The following MAJIN variants were observed in gnomAD, a reference collection of about 807,000 sequenced individuals.
The protein encoded by MAJIN is membrane anchored junction protein, also known as membrane-anchored junction protein.
In MAJIN, 27 loss-of-function variants were observed where a neutral mutation model predicts 30.2. The observed-to-expected ratio is 0.89, with a 90% CI of 0.66 to 1.23. The LOEUF is 1.23. Among genes scored for constraint, MAJIN ranks in the 50% most tolerant of loss-of-function variants. The pLI is 0.00. For missense variants in MAJIN, 253 were observed against 260.3 expected (o/e 0.97, Z 0.19); for synonymous variants, 78 against 91.6 (o/e 0.85, Z 0.85).
intron 4 of MAJIN, among the ~76,000 whole-genome samples, chr11:64,952,789 C>T (rs1402391675): frequency 2.0e-5 from 3 of 152,108 alleles, no homozygotes; most frequent in African/African-American, 7.2e-5. Flanking sequence ...ACTGCAACCT[C>T]CGCCTCCCAG....
At chr11:64,949,952 C>A (rs904017440) in intron 5 of MAJIN, 84 bp from the exon 6 acceptor site, 5 of 1,498,968 alleles carry the variant, frequency 3.3e-6, no homozygotes, top group East Asian at 2.3e-5. Context: ...TCTCTCCTTC[C>A]CCTGACCTAC....
intron 8 of MAJIN, among the ~76,000 whole-genome samples, chr11:64,942,028 T>G (rs1238905974): frequency 6.6e-6 from 1 of 152,190 alleles, no homozygotes; most frequent in Admixed American, 6.5e-5. Flanking sequence ...TTCTTTGTAC[T>G]CTGAAGAGGA....
chr11:64,961,106 G>A (rs1945714677), intron 1 of MAJIN, among the ~76,000 whole-genome samples: 1 of 152,058 alleles, frequency 6.6e-6, no homozygotes, highest in South Asian at 2.1e-4. Flanking sequence ...CACCTGGTTA[G>A]ACTTACATTG....
intron 8 of MAJIN, among the ~76,000 whole-genome samples, chr11:64,942,648 A>G (rs1225013236): frequency 6.6e-6 from 1 of 152,192 alleles, no homozygotes; most frequent in Non-Finnish European, 1.5e-5. Context: ...ATATCTCTGA[A>G]CTAAGCCTCC....
chr11:64,946,364 T>C (rs756889693), intron 8 of MAJIN, among the ~76,000 whole-genome samples: 10 of 152,190 alleles, frequency 6.6e-5, no homozygotes, highest in Non-Finnish European at 1.3e-4. Flanking sequence ...ATCTGGGGTT[T>C]GAGAAAGTGA....
chr11:64,944,798 T>G (rs961494920), intron 8 of MAJIN, among the ~76,000 whole-genome samples: 1 of 151,758 alleles, frequency 6.6e-6, no homozygotes, highest in African/African-American at 2.4e-5. Flanking sequence ...TTTGGAGACA[T>G]AGAGAAAAAA....
intron 9 of MAJIN, 126 bp downstream of exon 9, chr11:64,940,448 C>T (rs1021294254): frequency 6.9e-5 from 63 of 911,930 alleles, no homozygotes; most frequent in Non-Finnish European, 8.0e-5. Flanking sequence ...AGCACCTCCA[C>T]GGGAGCAAGG....
At chr11:64,958,598 G>GAAAAAAAA in intron 3 of MAJIN, among the ~76,000 whole-genome samples, 1 of 102,518 alleles carries the variant, frequency 9.8e-6, no homozygotes, top group Non-Finnish European at 1.8e-5. Context: ...TGTCTTGGGA[G>GAAAAAAAA]AAAAAAAAAA....
chr11:64,962,733 G>A (rs1244405434), intron 1 of MAJIN, among the ~76,000 whole-genome samples: 2 of 152,180 alleles, frequency 1.3e-5, no homozygotes, highest in Non-Finnish European at 2.9e-5. Flanking sequence ...GATTAAATGA[G>A]ATAATGCTGT....
chr11:64,941,885 G>T (rs776820905), intron 8 of MAJIN, among the ~76,000 whole-genome samples: 49 of 152,088 alleles, frequency 3.2e-4, no homozygotes, highest in Non-Finnish European at 6.0e-4. Context: ...GATGTATGAG[G>T]GTACAGTGCC....
chr11:64,956,767 T>TG (rs1419115513), intron 3 of MAJIN, among the ~76,000 whole-genome samples: 3 of 146,506 alleles, frequency 2.0e-5, no homozygotes, highest in South Asian at 4.4e-4. Flanking sequence ...TAAGCTGTTT[T>TG]TTTTTTTTTT....
In MAJIN at chr11:64,971,427, C is replaced by CA. The variant is rs35873962; in HGVS notation, c.-65+449dup. ...TGGGCGACAGAGCGAGACCCCGCCT[C>CA]AAAAAAAAAAAAAAAAAAAAGGACG... On this transcript the variant is annotated intron_variant, in intron 1 of 10. Coordinates refer to ENST00000301896, the MANE Select transcript of MAJIN (RefSeq NM_001037225.3). Among the ~76,000 whole-genome samples, 160 of 68,732 alleles carry CA rather than the reference C, an allele frequency of 2.3e-3. 2 individuals carry two copies. Among genetic ancestry groups the CA allele is most frequent in the East Asian group, 0.013 (31 of 2,392 alleles). The allele number at this position is 68,732 out of a possible 152,430, so 45.1% of individuals were successfully genotyped here. A position where few individuals can be genotyped will look rare whatever the true frequency, so the allele number is the denominator to read the frequency against.
At chr11:64,961,115 T>A (rs1945714875) in intron 1 of MAJIN, among the ~76,000 whole-genome samples, 1 of 152,088 alleles carries the variant, frequency 6.6e-6, no homozygotes, top group African/African-American at 2.4e-5. Flanking sequence ...AGACTTACAT[T>A]GCTGCCACAG....
At position 64,946,020 on chromosome 11, in the gene MAJIN, T is replaced by A. The variant is rs1945446210; in HGVS notation, c.473+1354A>T. On this transcript the variant is annotated intron_variant, in intron 8 of 10. Transcript: ENST00000301896. Reference sequence around the variant, plus strand: ...TGCTGGTAACCGGAATCCTGACTTGTAACAGAACAGGAATAGCTAATAGCC... The same window carrying A: ...TGCTGGTAACCGGAATCCTGACTTGAAACAGAACAGGAATAGCTAATAGCC... 2.9e-6 allele frequency: 4 copies of A among 1,395,812 alleles called. No homozygotes were observed. The South Asian group carries it at 5.6e-5, about 19-fold the overall frequency. The allele number at this position is 1,395,812 out of a possible 1,614,324, so 86.5% of individuals were successfully genotyped here. A position where few individuals can be genotyped will look rare whatever the true frequency, so the allele number is the denominator to read the frequency against.
chr11:64,957,320 T>C (rs1184834392), intron 3 of MAJIN, among the ~76,000 whole-genome samples: 1 of 152,050 alleles, frequency 6.6e-6, no homozygotes, highest in Admixed American at 6.6e-5. Flanking sequence ...GCTCAAGCAA[T>C]CCTCCCACTT....
In MAJIN at chr11:64,972,032, G is replaced by T. The variant is rs1439727396; in HGVS notation, c.-220C>A. The T allele has an allele frequency of 6.6e-6, 1 of 152,236 alleles. No individual in the cohort carries two copies. The highest frequency in any genetic ancestry group is 1.5e-5 in the Non-Finnish European group (1 of 68,054). The allele number at this position is 152,236 out of a possible 1,614,324, so 9.4% of individuals were successfully genotyped here. A position where few individuals can be genotyped will look rare whatever the true frequency, so the allele number is the denominator to read the frequency against. On this transcript the variant is annotated 5_prime_UTR_variant, in exon 1 of 11. Coordinates refer to ENST00000301896, the MANE Select transcript of MAJIN (RefSeq NM_001037225.3). ...AACCTCGAACGAAGTCGTTTTGAGGGACTGGCTCGCCAGCTCCTAAGCAAC... is the reference window on the plus strand; with the variant it reads ...AACCTCGAACGAAGTCGTTTTGAGGTACTGGCTCGCCAGCTCCTAAGCAAC...
At chr11:64,951,839 T>C (rs1262671327) in intron 4 of MAJIN, among the ~76,000 whole-genome samples, 1 of 152,132 alleles carries the variant, frequency 6.6e-6, no homozygotes, top group East Asian at 1.9e-4. Context: ...AGTGTCTAGC[T>C]TATAATTATA....
chr11:64,949,677 G>A (rs979906329), intron 6 of MAJIN, 66 bp downstream of exon 6: 8 of 1,579,112 alleles, frequency 5.1e-6, no homozygotes, highest in Admixed American at 1.7e-5. Context: ...CCCCTTTCGC[G>A]ATACCTAGCT....
intron 1 of MAJIN, among the ~76,000 whole-genome samples, chr11:64,965,935 A>G (rs1408155725): frequency 4.0e-5 from 6 of 150,654 alleles, no homozygotes; most frequent in Non-Finnish European, 8.9e-5. Flanking sequence ...CAGCCTGGGC[A>G]ACAGAGCGAG....
Sources: gnomAD v4.1 joint callset for allele counts (sites outside exome capture counted in the v4.1 genomes callset) on GRCh38, gnomAD v4.1.1 for gene constraint, MANE v1.5 for transcripts, NCBI Gene and HGNC (gene_info 2026-07-23, HGNC 2026-07-21) for gene names.